Variants in FAM184A observed in about 807,000 individuals in gnomAD.
FAM184A encodes the protein family with sequence similarity 184 member A.
FAM184A carries 99 observed loss-of-function variants against 143.8 expected under a neutral mutation model. That is an observed-to-expected ratio of 0.69 (90% CI 0.58 to 0.81). The LOEUF (loss-of-function observed/expected upper bound fraction) is 0.81, where lower values mean the gene tolerates loss of function less well. FAM184A is among the 40% of genes least tolerant of loss of function. The probability of loss-of-function intolerance (pLI) is 0.00; values close to 1 mark genes in which losing one functional copy is unlikely to be tolerated. For synonymous variants in FAM184A, 427 were observed against 446.4 expected (o/e 0.96, Z 0.55); for missense variants, 1,217 against 1,310.5 (o/e 0.93, Z 1.10).
At position 118,989,118 on chromosome 6, in the gene FAM184A, C is replaced by T. The variant is rs912185922; in HGVS notation, c.2089-8768G>A. On this transcript the variant is annotated intron_variant, in intron 9 of 17. Transcript: ENST00000338891. ...CTGGGACTACAGGCGCCTGCCACTG[C>T]GCCCGGCTAATTTTTTGTATTTTTA... is the stretch of plus-strand genomic sequence containing the variant. Among the ~76,000 whole-genome samples, 40 of 151,938 alleles carry T rather than the reference C, an allele frequency of 2.6e-4. 1 individual carries two copies. Among genetic ancestry groups the T allele is most frequent in the Non-Finnish European group, 2.9e-5 (2 of 67,966 alleles).
intron 9 of FAM184A, among the ~76,000 whole-genome samples, chr6:118,987,727 A>C (rs1283827599): frequency 6.6e-6 from 1 of 152,196 alleles, no homozygotes; most frequent in African/African-American, 2.4e-5. Context: ...TTAACAACAA[A>C]AAAATTTTAC....
chr6:119,052,836 T>C (rs1282541030), intron 1 of FAM184A, among the ~76,000 whole-genome samples: 1 of 152,116 alleles, frequency 6.6e-6, no homozygotes, highest in Non-Finnish European at 1.5e-5. Context: ...ATACACTGAG[T>C]TGTCTTAAAG....
At chr6:119,000,574 C>T (rs549044840) in intron 9 of FAM184A, among the ~76,000 whole-genome samples, 14 of 152,132 alleles carry the variant, frequency 9.2e-5, no homozygotes, top group East Asian at 7.7e-4. Flanking sequence ...CCATGATGGC[C>T]GGCTTAAATC....
chr6:119,063,266 G>A (rs1787326811), intron 1 of FAM184A, among the ~76,000 whole-genome samples: 1 of 152,130 alleles, frequency 6.6e-6, no homozygotes, highest in African/African-American at 2.4e-5. Context: ...TAAAATTTGT[G>A]TTGTTTAACA....
intron 8 of FAM184A, 81 bp from the exon 9 acceptor site, chr6:119,003,130 G>A (rs780003365): frequency 1.3e-4 from 159 of 1,255,566 alleles, no homozygotes; most frequent in Non-Finnish European, 1.6e-4. Flanking sequence ...GGTTTTTTAA[G>A]CGCTTAATTA....
At position 119,071,205 on chromosome 6, in the gene FAM184A, G is replaced by C. The variant is rs1174966079; in HGVS notation, c.159+6936C>G. Among the ~76,000 whole-genome samples, 4 of 152,140 alleles carry C rather than the reference G, an allele frequency of 2.6e-5. No individual in the cohort carries two copies. The South Asian group carries it at 6.2e-4, about 24-fold the overall frequency. ...TTTTAAGACTGGTGATTAGAGGCTA[G>C]CAAAGGATTTTCATAAACTAAACAG... On this transcript the variant is annotated intron_variant, in intron 1 of 17. Transcript: ENST00000338891.
At chr6:119,052,596 A>G (rs1786808357) in intron 1 of FAM184A, among the ~76,000 whole-genome samples, 1 of 152,184 alleles carries the variant, frequency 6.6e-6, no homozygotes, top group Admixed American at 6.5e-5. Flanking sequence ...ATGGTTTCCC[A>G]CCACACATGT....
rs34128659 is a variant in FAM184A, at chr6:119,022,053, CTTTT to C, written c.1150+888_1150+891del. 2.0e-3 allele frequency among the ~76,000 whole-genome samples: 169 copies of C among 84,396 alleles called. 1 individual carries two copies. The highest frequency in any genetic ancestry group is 2.8e-3 in the Admixed American group (16 of 5,816). The allele number at this position is 84,396 out of a possible 152,430, so 55.4% of individuals were successfully genotyped here. A position where few individuals can be genotyped will look rare whatever the true frequency, so the allele number is the denominator to read the frequency against. On this transcript the variant is annotated intron_variant, in intron 3 of 17. Transcript: ENST00000338891. Reference sequence around the variant, plus strand: ...AAGTGTGCTTCATTTTTCGTTCTTTCTTTTTTTTTTTTTTTTTTTTTTTTTGATA... The same window carrying C: ...AAGTGTGCTTCATTTTTCGTTCTTTCTTTTTTTTTTTTTTTTTTTTTGATA...
chr6:118,986,097 T>C (rs963798709), intron 9 of FAM184A, among the ~76,000 whole-genome samples: 3 of 152,024 alleles, frequency 2.0e-5, no homozygotes, highest in Non-Finnish European at 2.9e-5. Context: ...ATCGAGACCA[T>C]CCTGGCTAAC....
intron 1 of FAM184A, among the ~76,000 whole-genome samples, chr6:119,101,444 T>G (rs1219035961): frequency 1.3e-5 from 2 of 152,146 alleles, no homozygotes; most frequent in African/African-American, 4.8e-5. Context: ...TGAGCCTTAC[T>G]TTACTATAGG....
chr6:119,147,499 G>A (rs1217713419), intron 1 of FAM184A, among the ~76,000 whole-genome samples: 2 of 152,168 alleles, frequency 1.3e-5, no homozygotes, highest in Non-Finnish European at 2.9e-5. Context: ...GGATGACTCA[G>A]AGATGATAGA....
At chr6:118,986,309 T>G (rs771364359) in intron 9 of FAM184A, among the ~76,000 whole-genome samples, 5 of 152,124 alleles carry the variant, frequency 3.3e-5, no homozygotes, top group Non-Finnish European at 7.4e-5. Flanking sequence ...AAAAAAAAAT[T>G]TGTGGAATAT....
At chr6:119,051,018 G>A (rs1786742302) in intron 1 of FAM184A, among the ~76,000 whole-genome samples, 1 of 152,126 alleles carries the variant, frequency 6.6e-6, no homozygotes, top group Non-Finnish European at 1.5e-5. Flanking sequence ...GGAGGGAAAG[G>A]AGCAGAAAAA....
At chr6:119,144,422 A>C (rs73767263) in intron 1 of FAM184A, among the ~76,000 whole-genome samples, 20,372 of 152,004 alleles carry the variant, frequency 0.13, 1,800 homozygotes, top group African/African-American at 0.25. Flanking sequence ...GGCTGCCTAA[A>C]TTGCTCCAGT....
chr6:118,964,621 C>T, intron 16 of FAM184A, 46 bp downstream of exon 16: 5 of 1,108,592 alleles, frequency 4.5e-6, no homozygotes, highest in South Asian at 1.7e-5. Flanking sequence ...AATTTTTAAC[C>T]AACTTTTAAA....
intron 11 of FAM184A, among the ~76,000 whole-genome samples, chr6:118,976,531 G>A (rs368158872): frequency 1.5e-4 from 23 of 152,034 alleles, no homozygotes; most frequent in African/African-American, 5.3e-4. Context: ...AGGCATGGTG[G>A]TAGGTTCCTG....
chr6:119,018,472 G>C (rs73767216), intron 4 of FAM184A, among the ~76,000 whole-genome samples: 5,939 of 152,274 alleles, frequency 0.039, 252 homozygotes, highest in African/African-American at 0.11. Context: ...AGTCTGTGCA[G>C]CTAAGCAGTC....
At chr6:119,058,175 C>CT (rs5879483) in intron 1 of FAM184A, among the ~76,000 whole-genome samples, 1,291 of 89,740 alleles carry the variant, frequency 0.014, 66 homozygotes, top group African/African-American at 0.031. Context: ...CTCCTTCTCT[C>CT]TTTTTTTTTT....
At chr6:119,084,262 G>A (rs367741857) in intron 1 of FAM184A, among the ~76,000 whole-genome samples, 1 of 152,214 alleles carries the variant, frequency 6.6e-6, no homozygotes, top group Non-Finnish European at 1.5e-5. Flanking sequence ...TGAGATTTGA[G>A]TGGGGACCCA....
Sources: gnomAD v4.1 joint callset for allele counts (sites outside exome capture counted in the v4.1 genomes callset) on GRCh38, gnomAD v4.1.1 for gene constraint, MANE v1.5 for transcripts, NCBI Gene and HGNC (gene_info 2026-07-23, HGNC 2026-07-21) for gene names.